Variants in TTLL8 observed in about 807,000 individuals in gnomAD.
TTLL8 encodes the protein protein monoglycylase TTLL8.
In TTLL8, 65 loss-of-function variants were observed where a neutral mutation model predicts 77.8. The observed-to-expected ratio is 0.84, with a 90% CI of 0.68 to 1.03. The LOEUF (loss-of-function observed/expected upper bound fraction) is 1.03. Ranked by LOEUF, TTLL8 falls within the 50% of genes least tolerant of loss-of-function variation. The pLI is 0.00. For missense variants in TTLL8, 910 were observed against 1,004.5 expected, an observed-to-expected ratio of 0.91 and a Z score of 1.27; for synonymous variants, 402 against 422.8, an observed-to-expected ratio of 0.95 and a Z score of 0.60.
chr22:50,050,595 G>A (rs1364021962), intron 1 of TTLL8, among the ~76,000 whole-genome samples: 1 of 152,050 alleles, frequency 6.6e-6, no homozygotes, highest in East Asian at 1.9e-4. Context: ...GACAGGAGGA[G>A]AGAAAGAGCA....
chr22:50,052,395 C>T (rs1021613833), intron 1 of TTLL8, among the ~76,000 whole-genome samples: 1 of 152,118 alleles, frequency 6.6e-6, no homozygotes, highest in Non-Finnish European at 1.5e-5. Context: ...GTAAGATTTC[C>T]AACAGGTAAG....
chr22:50,026,515 C>T (rs1009026669), intron 12 of TTLL8, among the ~76,000 whole-genome samples: 6 of 150,554 alleles, frequency 4.0e-5, no homozygotes, highest in Non-Finnish European at 7.4e-5. Flanking sequence ...CATTCTGCAC[C>T]GCCGCCACCT....
intron 8 of TTLL8, among the ~76,000 whole-genome samples, chr22:50,040,381 C>T (rs1027125238): frequency 5.3e-5 from 8 of 152,132 alleles, no homozygotes; most frequent in African/African-American, 1.9e-4. Flanking sequence ...CCAGCGTGGA[C>T]GGACCTCACA....
chr22:50,033,148 C>A, intron 10 of TTLL8, 54 bp downstream of exon 11: 1 of 1,289,272 alleles, frequency 7.8e-7, no homozygotes. Flanking sequence ...TCCAGGCATG[C>A]AGGCAGCAGC....
At chr22:50,030,222 C>T in intron 12 of TTLL8, 1 of 985,428 alleles carries the variant, frequency 1.0e-6, no homozygotes, top group Non-Finnish European at 1.2e-6. Context: ...CCACGCCCCC[C>T]ACCCCGAGAC....
chr22:50,045,680 C>T (rs560601737), intron 5 of TTLL8, 176 bp downstream of exon 7: 7 of 839,170 alleles, frequency 8.3e-6, no homozygotes, highest in African/African-American at 1.8e-5. Context: ...CTTGACTGCC[C>T]GCCCTCCCTC....
intron 9 of TTLL8, 110 bp from the exon 11 acceptor site, chr22:50,033,555 T>G: frequency 1.0e-6 from 1 of 993,376 alleles, no homozygotes; most frequent in South Asian, 1.5e-5. Context: ...TGCACTGGCT[T>G]TGTCCAAGGC....
chr22:50,026,604 G>C (rs1601906326), intron 12 of TTLL8, among the ~76,000 whole-genome samples: 2 of 152,358 alleles, frequency 1.3e-5, no homozygotes, highest in South Asian at 4.1e-4. Flanking sequence ...AAAGGTAATT[G>C]ATGATGATTT....
intron 2 of TTLL8, among the ~76,000 whole-genome samples, chr22:50,049,855 C>T (rs1023751641): frequency 6.6e-6 from 1 of 152,040 alleles, no homozygotes; most frequent in Non-Finnish European, 1.5e-5. Context: ...AGAAACCGCC[C>T]GGGCAGGAGG....
chr22:50,055,529 C>T (rs2061466153), upstream of TTLL8, among the ~76,000 whole-genome samples: 1 of 151,986 alleles, frequency 6.6e-6, no homozygotes, highest in South Asian at 2.1e-4. Context: ...GTAGCTCATG[C>T]CTGTAATCCC....
Position 50,041,921 on chromosome 22 carries a change from C to T in TTLL8, c.644-114G>A, listed in dbSNP as rs1458701931. On this transcript the variant is annotated intron_variant, in intron 6 of 13. Transcript: ENST00000266182. The surrounding 1 kb of genome is among the most constrained non-coding windows in gnomAD (Gnocchi z 4.3). Reference sequence around the variant, plus strand: ...AAAGGCTGCTCCACTCCCTCTGTGCCCCAATACCCAACAAGTATCCCAGAT... The same window carrying T: ...AAAGGCTGCTCCACTCCCTCTGTGCTCCAATACCCAACAAGTATCCCAGAT... The T allele has an allele frequency of 1.1e-6, 1 of 936,094 alleles. No homozygotes were observed. The highest frequency in any genetic ancestry group is 1.7e-5 in the African/African-American group (1 of 57,214). 58.0% of individuals were successfully genotyped at this position (936,094 alleles called of 1,614,324 possible). A position where few individuals can be genotyped will look rare whatever the true frequency, so the allele number is the denominator to read the frequency against.
intron 12 of TTLL8, among the ~76,000 whole-genome samples, chr22:50,022,965 C>T (rs567914653): frequency 6.3e-4 from 96 of 152,246 alleles, no homozygotes; most frequent in Middle Eastern, 3.4e-3. Flanking sequence ...AATTTACCAA[C>T]ACGTCAGGAC....
chr22:50,041,865 G>A lies in TTLL8; in HGVS notation c.644-58C>T, dbSNP rs936181598. The A allele has an allele frequency of 5.4e-6, 7 of 1,287,166 alleles. No individual in the cohort carries two copies. The highest frequency in any genetic ancestry group is 2.6e-5 in the Admixed American group (1 of 39,006). The allele number at this position is 1,287,166 out of a possible 1,614,324, so 79.7% of individuals were successfully genotyped here. On this transcript the variant is annotated intron_variant, in intron 6 of 13. Transcript: ENST00000266182. This position sits in a 1 kb window ranked among gnomAD's most constrained non-coding sequence, Gnocchi z 4.3. ...ACCTCACCCAGGGGCAGCCCTGCCCGCCTCGAGGGGTGATGTCTAAAGTCA... is the reference window on the plus strand; with the variant it reads ...ACCTCACCCAGGGGCAGCCCTGCCCACCTCGAGGGGTGATGTCTAAAGTCA...
rs765852817 is a variant in TTLL8, at chr22:50,050,194, C to G, written c.105G>C (p.Leu35=). 85 of 1,362,232 alleles carry G rather than the reference C, an allele frequency of 6.2e-5. No homozygotes were observed. The Admixed American group carries it at 1.6e-3, about 26-fold the overall frequency. The allele number at this position is 1,362,232 out of a possible 1,614,324, so 84.4% of individuals were successfully genotyped here. The change falls in exon 2 of 14, where the codon CTG becomes CTC. Residue 35 remains leucine, a synonymous_variant. Transcript: ENST00000266182. The stretch of plus-strand genomic sequence containing the variant: ...TCTTCTCTACCCAGCCCTTCCTTCG[C>G]AGAGCGGCCCGGACCACCGGGTAGT...
At chr22:50,056,616 C>T (rs571508631), upstream of TTLL8, among the ~76,000 whole-genome samples, 1 of 152,320 alleles carries the variant, frequency 6.6e-6, no homozygotes, top group African/African-American at 2.4e-5. The surrounding 1 kb of genome is among the most constrained non-coding windows in gnomAD (Gnocchi z 4.1). Flanking sequence ...TCCACACCCA[C>T]ACGTTTAATT....
intron 12 of TTLL8, among the ~76,000 whole-genome samples, chr22:50,018,786 A>G (rs1410612298): frequency 6.6e-6 from 1 of 152,234 alleles, no homozygotes; most frequent in Admixed American, 6.5e-5. Flanking sequence ...TGACGCTGTC[A>G]TGAACCTGTG....
At chr22:50,054,044 G>A (rs548726274) in intron 1 of TTLL8, among the ~76,000 whole-genome samples, 25 of 152,268 alleles carry the variant, frequency 1.6e-4, no homozygotes, top group African/African-American at 4.6e-4. Context: ...CCGTCCGGGT[G>A]TGTCTGGCCA....
intron 12 of TTLL8, among the ~76,000 whole-genome samples, chr22:50,023,718 A>AATAAATAAATAC (rs2061216979): frequency 2.3e-5 from 3 of 131,518 alleles, no homozygotes; most frequent in African/African-American, 8.5e-5. Context: ...TAAATAAATA[A>AATAAATAAATAC]ATACTTAACA....
chr22:50,042,284 G>C (rs1004705555), intron 6 of TTLL8, among the ~76,000 whole-genome samples: 1 of 152,208 alleles, frequency 6.6e-6, no homozygotes, highest in Non-Finnish European at 1.5e-5. Context: ...GAGACCTCTT[G>C]AAACTCAACA....
Sources: allele counts gnomAD v4.1 joint callset (sites outside exome capture counted in the v4.1 genomes callset), GRCh38; gene constraint gnomAD v4.1.1; non-coding constraint Gnocchi (gnomAD v3.1); transcripts MANE v1.5; gene names NCBI Gene and HGNC (gene_info 2026-07-23, HGNC 2026-07-21).